The following LINGO1 variants were observed in gnomAD, a reference collection of about 807,000 sequenced individuals.
LINGO1 encodes the protein leucine rich repeat and Ig domain containing 1, also known as leucine-rich repeat and immunoglobulin-like domain-containing nogo receptor-interacting protein 1.
A neutral mutation model predicts 37.3 loss-of-function variants in LINGO1; 11 were observed. That is an observed-to-expected ratio of 0.29 (90% CI 0.19 to 0.49). The LOEUF (loss-of-function observed/expected upper bound fraction) is 0.49, where lower values mean the gene tolerates loss of function less well. Among genes scored for constraint, LINGO1 ranks in the 20% least tolerant of loss-of-function variants. LINGO1 has a pLI of 0.99. For synonymous variants in LINGO1, 387 were observed against 403.0 expected, an observed-to-expected ratio of 0.96 and a Z score of 0.48; for missense variants, 585 against 878.2, an observed-to-expected ratio of 0.67 and a Z score of 4.22.
intron 1 of LINGO1, among the ~76,000 whole-genome samples, chr15:77,738,800 GA>G (rs1383898019): frequency 6.6e-6 from 1 of 151,962 alleles, no homozygotes; most frequent in Non-Finnish European, 1.5e-5. Context: ...AGGAAGGAAG[GA>G]AGGAAGGAAG....
intron 3 of LINGO1, among the ~76,000 whole-genome samples, chr15:77,669,130 TG>T (rs1596080769): frequency 6.6e-6 from 1 of 152,262 alleles, no homozygotes; most frequent in Non-Finnish European, 1.5e-5. Flanking sequence ...GCTTCTGGCC[TG>T]GGCCGCCACT....
chr15:77,680,394 G>A (rs984903404), intron 2 of LINGO1, among the ~76,000 whole-genome samples: 2 of 152,202 alleles, frequency 1.3e-5, no homozygotes, highest in Non-Finnish European at 2.9e-5. Flanking sequence ...CCCCTTTGGG[G>A]GCAGGTCACC....
chr15:77,802,240 G>A (rs1216506576), intron 1 of LINGO1, among the ~76,000 whole-genome samples: 1 of 152,044 alleles, frequency 6.6e-6, no homozygotes, highest in African/African-American at 2.4e-5. Flanking sequence ...TGGGTTCCAA[G>A]CGGTGCAGAG....
Position 77,736,298 on chromosome 15 carries a change from C to T in LINGO1, c.-256-1245G>A, listed in dbSNP as rs533869738. 5.5e-4 allele frequency among the ~76,000 whole-genome samples: 84 copies of T among 152,304 alleles called. No homozygotes were observed. In the South Asian group the frequency reaches 0.016, roughly 30 times the overall value. ...GTGTGCACCTGCATTCCTCACTTCA[C>T]AACAGATTTTTGAGACCTTTCCCTG... On this transcript the variant is annotated intron_variant, in intron 1 of 3. Transcript: ENST00000561686.
chr15:77,757,926 C>T (rs917877987), intron 1 of LINGO1, among the ~76,000 whole-genome samples: 3 of 152,194 alleles, frequency 2.0e-5, no homozygotes, highest in Admixed American at 6.5e-5. Context: ...TTCCCTGCCT[C>T]GGCTGTGTCA....
chr15:77,704,675 G>A (rs547664592), intron 2 of LINGO1, among the ~76,000 whole-genome samples: 3 of 151,020 alleles, frequency 2.0e-5, no homozygotes, highest in East Asian at 2.0e-4. Flanking sequence ...ACTGAGCCCC[G>A]AGCCTAGTCA....
chr15:77,683,399 G>C (rs1224441034), intron 2 of LINGO1, among the ~76,000 whole-genome samples: 1 of 152,162 alleles, frequency 6.6e-6, no homozygotes, highest in Non-Finnish European at 1.5e-5. Context: ...GTGTCAGCAA[G>C]ATATATATAA....
At chr15:77,773,206 C>T (rs987486195) in intron 1 of LINGO1, among the ~76,000 whole-genome samples, 1 of 152,162 alleles carries the variant, frequency 6.6e-6, no homozygotes, top group Non-Finnish European at 1.5e-5. Flanking sequence ...AATGGGAGGC[C>T]GGACCATGTG....
chr15:77,758,751 TG>T (rs1404310748), intron 1 of LINGO1, among the ~76,000 whole-genome samples: 4 of 151,946 alleles, frequency 2.6e-5, no homozygotes, highest in Non-Finnish European at 5.9e-5. Context: ...ATGGGGGTTT[TG>T]GGGGGATCAG....
chr15:77,796,453 T>C (rs1188390147), intron 1 of LINGO1, among the ~76,000 whole-genome samples: 1 of 152,158 alleles, frequency 6.6e-6, no homozygotes, highest in East Asian at 1.9e-4. Flanking sequence ...ACTTCTCTTA[T>C]CCATAAAAGA....
chr15:77,785,373 C>T (rs894097596), intron 1 of LINGO1, among the ~76,000 whole-genome samples: 1 of 152,204 alleles, frequency 6.6e-6, no homozygotes, highest in Admixed American at 6.5e-5. Flanking sequence ...CCAGCCTCTT[C>T]CCAGGCCTTA....
chr15:77,761,945 T>C (rs1299512545), intron 1 of LINGO1, among the ~76,000 whole-genome samples: 1 of 152,060 alleles, frequency 6.6e-6, no homozygotes, highest in East Asian at 1.9e-4. Context: ...GAGGCCGGGA[T>C]GTGATGTGCA....
At chr15:77,804,091 G>A (rs61246633) in intron 1 of LINGO1, among the ~76,000 whole-genome samples, 18,048 of 152,096 alleles carry the variant, frequency 0.12, 1,371 homozygotes, top group African/African-American at 0.22. Flanking sequence ...GGAGTTCCCA[G>A]CAGGGTTCAC....
chr15:77,726,983 A>G (rs1429307190), intron 2 of LINGO1, among the ~76,000 whole-genome samples: 2 of 152,256 alleles, frequency 1.3e-5, no homozygotes, highest in Non-Finnish European at 2.9e-5. Context: ...AAGCAGATGG[A>G]AAGATGCTCA....
At chr15:77,728,103 C>G (rs577188988) in intron 2 of LINGO1, among the ~76,000 whole-genome samples, 19 of 152,366 alleles carry the variant, frequency 1.2e-4, no homozygotes, top group Non-Finnish European at 1.9e-4. Flanking sequence ...TCTCCTCCCC[C>G]AGTCCAGGCC....
At chr15:77,727,216 G>T (rs1356468132) in intron 2 of LINGO1, among the ~76,000 whole-genome samples, 1 of 152,150 alleles carries the variant, frequency 6.6e-6, no homozygotes, top group Non-Finnish European at 1.5e-5. Context: ...CCCACTTTTG[G>T]GTGTGTGTAT....
chr15:77,621,644 G>C (rs1405811999), intron 1 of LINGO1, among the ~76,000 whole-genome samples: 1 of 152,200 alleles, frequency 6.6e-6, no homozygotes, highest in African/African-American at 2.4e-5. Context: ...CTAGTCCTCA[G>C]AGAGCTACAC....
At chr15:77,642,731 G>C (rs1041766233) in intron 3 of LINGO1, among the ~76,000 whole-genome samples, 1 of 152,158 alleles carries the variant, frequency 6.6e-6, no homozygotes, top group Non-Finnish European at 1.5e-5. Flanking sequence ...TTCATCTCCG[G>C]GTCCGGAAAT....
chr15:77,693,744 C>T (rs1360131101), intron 1 of LINGO1, among the ~76,000 whole-genome samples: 1 of 152,058 alleles, frequency 6.6e-6, no homozygotes, highest in Non-Finnish European at 1.5e-5. Context: ...GAAACAGATT[C>T]GGGCAGTGTG....
Sources: gnomAD v4.1 joint callset for allele counts (sites outside exome capture counted in the v4.1 genomes callset) on GRCh38, gnomAD v4.1.1 for gene constraint, MANE v1.5 for transcripts, NCBI Gene and HGNC (gene_info 2026-07-23, HGNC 2026-07-21) for gene names.